The following SGCZ variants were observed in gnomAD, a reference collection of about 807,000 sequenced individuals.
The protein encoded by SGCZ is sarcoglycan zeta, also known as zeta-sarcoglycan.
In SGCZ, 40 loss-of-function variants were observed where a neutral mutation model predicts 41.3. The ratio of observed to expected loss-of-function variants is 0.97; its 90% CI spans 0.75 to 1.26. SGCZ has a LOEUF of 1.26. Among genes scored for constraint, SGCZ ranks in the 50% most tolerant of loss-of-function variants. The pLI is 0.00. For synonymous variants in SGCZ, 206 were observed against 137.5 expected (o/e 1.50, Z -3.49); for missense variants, 552 against 369.8 (o/e 1.49, Z -4.04).
chr8:14,562,939 C>G (rs1804250460), intron 1 of SGCZ, among the ~76,000 whole-genome samples: 1 of 152,098 alleles, frequency 6.6e-6, no homozygotes, highest in East Asian at 1.9e-4. Flanking sequence ...AGCAAATCAC[C>G]CAGTCAACTG....
At chr8:14,729,358 A>C (rs2036821) in intron 1 of SGCZ, among the ~76,000 whole-genome samples, 2 of 151,844 alleles carry the variant, frequency 1.3e-5, no homozygotes, top group African/African-American at 4.8e-5. Flanking sequence ...GACTGAAGTG[A>C]GTACCCCCAA....
At chr8:14,790,528 C>T (rs1800916787) in intron 1 of SGCZ, among the ~76,000 whole-genome samples, 1 of 151,858 alleles carries the variant, frequency 6.6e-6, no homozygotes, top group South Asian at 2.1e-4. Flanking sequence ...CATTTGTTAA[C>T]AAAGAGAGTA....
At chr8:14,622,475 C>T (rs117099375) in intron 1 of SGCZ, among the ~76,000 whole-genome samples, 1 of 151,962 alleles carries the variant, frequency 6.6e-6, no homozygotes, top group Non-Finnish European at 1.5e-5. Flanking sequence ...CCAGAGAAGC[C>T]CAATTAATTA....
At position 14,662,393 on chromosome 8, in the gene SGCZ, C is replaced by T. The variant is rs192374704; in HGVS notation, c.40-107467G>A. Among the ~76,000 whole-genome samples the T allele has an allele frequency of 1.6e-3, 240 of 152,260 alleles. 2 individuals carry two copies. Among genetic ancestry groups the T allele is most frequent in the Non-Finnish European group, 1.5e-3 (100 of 68,020 alleles). On this transcript the variant is annotated intron_variant, in intron 1 of 7. Transcript: ENST00000382080. The stretch of plus-strand genomic sequence containing the variant: ...CAATATTATGTTTTCCACATAAATG[C>T]TATCAGGAAAAAGGGAGATAAAGCA...
At chr8:14,681,521 A>G (rs1438545627) in intron 1 of SGCZ, among the ~76,000 whole-genome samples, 7 of 152,292 alleles carry the variant, frequency 4.6e-5, no homozygotes, top group African/African-American at 1.4e-4. Flanking sequence ...TGTATATGTT[A>G]CCTTGCCTGG....
intron 3 of SGCZ, among the ~76,000 whole-genome samples, chr8:14,289,373 A>C (rs1026129842): frequency 6.6e-6 from 1 of 152,068 alleles, no homozygotes; most frequent in Non-Finnish European, 1.5e-5. Flanking sequence ...TAATACCCCT[A>C]TATTTTCTTC....
intron 1 of SGCZ, among the ~76,000 whole-genome samples, chr8:14,954,447 C>T (rs1056491041): frequency 6.6e-6 from 1 of 152,114 alleles, no homozygotes; most frequent in Admixed American, 6.5e-5. Flanking sequence ...TTTTCCTCCA[C>T]TAAATGTGCA....
At chr8:15,034,488 T>A (rs887745962) in intron 1 of SGCZ, among the ~76,000 whole-genome samples, 2 of 152,106 alleles carry the variant, frequency 1.3e-5, no homozygotes, top group Admixed American at 1.3e-4. Context: ...GATCAAGTGT[T>A]AGAGTTATAG....
intron 1 of SGCZ, among the ~76,000 whole-genome samples, chr8:15,069,529 A>G (rs1015681832): frequency 1.6e-4 from 25 of 152,320 alleles, no homozygotes; most frequent in African/African-American, 5.5e-4. Flanking sequence ...ACCACCCAGC[A>G]GTATACTGGC....
chr8:14,509,916 T>TG (rs965733849), intron 2 of SGCZ, among the ~76,000 whole-genome samples: 1 of 151,896 alleles, frequency 6.6e-6, no homozygotes, highest in Non-Finnish European at 1.5e-5. Flanking sequence ...AAGAACAGCA[T>TG]GGGGGGACAC....
chr8:15,033,238 A>C (rs1803749253), intron 1 of SGCZ, among the ~76,000 whole-genome samples: 1 of 151,942 alleles, frequency 6.6e-6, no homozygotes. Context: ...TCATAGACCT[A>C]GCCTCCAGCC....
intron 7 of SGCZ, among the ~76,000 whole-genome samples, chr8:14,098,710 A>ATTAAGGAGGGGGATATGAAAATCTAAT (rs1300745169): frequency 6.6e-6 from 1 of 152,174 alleles, no homozygotes; most frequent in African/African-American, 2.4e-5. Flanking sequence ...ACATAACACA[A>ATTAAGGAGGGGGATATGAAAATCTAAT]TTAAGGAGGG....
At chr8:14,364,170 G>T (rs1361307744) in intron 2 of SGCZ, among the ~76,000 whole-genome samples, 2 of 151,922 alleles carry the variant, frequency 1.3e-5, no homozygotes, top group Non-Finnish European at 2.9e-5. Context: ...TTTAACACTA[G>T]TTGTTGAGAT....
At position 14,307,391 on chromosome 8, in the gene SGCZ, A is replaced by G. The variant is rs1016138747; in HGVS notation, c.336+16712T>C. ...TGCATATCTGAAAAATGATGAAAAG[A>G]ATATAAATGCATAATTCCTTTCCCG... On this transcript the variant is annotated intron_variant, in intron 3 of 7. Transcript: ENST00000382080. 5.9e-5 allele frequency among the ~76,000 whole-genome samples: 9 copies of G among 152,196 alleles called. No individual in the cohort carries two copies. In the East Asian group the frequency reaches 1.5e-3, roughly 26 times the overall value.
intron 2 of SGCZ, among the ~76,000 whole-genome samples, chr8:14,496,015 A>C (rs1585593396): frequency 6.6e-6 from 1 of 152,260 alleles, no homozygotes; most frequent in African/African-American, 2.4e-5. Flanking sequence ...TCTACAGAAC[A>C]CTGCAATAGG....
At chr8:14,504,593 G>A (rs1025910874) in intron 2 of SGCZ, among the ~76,000 whole-genome samples, 1 of 151,842 alleles carries the variant, frequency 6.6e-6, no homozygotes, top group African/African-American at 2.4e-5. Context: ...CTTTTCTCTT[G>A]TTTCTTTGTT....
intron 1 of SGCZ, among the ~76,000 whole-genome samples, chr8:14,904,076 T>C (rs898812155): frequency 3.2e-4 from 49 of 152,104 alleles, no homozygotes; most frequent in Admixed American, 1.6e-3. Context: ...AAAGCTATCA[T>C]AGTCTTCCTC....
chr8:15,131,693 C>G (rs369629718), intron 1 of SGCZ, among the ~76,000 whole-genome samples: 12 of 152,138 alleles, frequency 7.9e-5, no homozygotes, highest in African/African-American at 2.9e-4. Context: ...TCCTGCAGAA[C>G]AGTTATTGAG....
At chr8:15,212,243 G>C (rs1801257615) in intron 1 of SGCZ, among the ~76,000 whole-genome samples, 1 of 152,068 alleles carries the variant, frequency 6.6e-6, no homozygotes, top group African/African-American at 2.4e-5. Flanking sequence ...TAATGATTTA[G>C]CTACTCAATC....
Sources: gnomAD v4.1 joint callset for allele counts (sites outside exome capture counted in the v4.1 genomes callset) on GRCh38, gnomAD v4.1.1 for gene constraint, MANE v1.5 for transcripts, NCBI Gene and HGNC (gene_info 2026-07-23, HGNC 2026-07-21) for gene names.